Variants in CCDC192 observed in about 807,000 individuals in gnomAD.
CCDC192 encodes the protein coiled-coil domain-containing protein 192.
At chr5:127,876,185 T>C (rs1035445801) in intron 6 of CCDC192, among the ~76,000 whole-genome samples, 5 of 151,708 alleles carry the variant, frequency 3.3e-5, no homozygotes, top group South Asian at 2.1e-4. Context: ...GTTCTGACTT[T>C]TTAAAAAAAG....
In CCDC192 at chr5:127,716,467, A is replaced by C. The variant is rs565368945; in HGVS notation, c.114+8707A>C. On this transcript the variant is annotated intron_variant, in intron 2 of 6. Transcript: ENST00000514853. ...GAATAGTTCAAGAAGAATTGATATT[A>C]GTTCTTCTTTAAATGTTTGGTAGAT... is the stretch of plus-strand genomic sequence containing the variant. Among the ~76,000 whole-genome samples the C allele has an allele frequency of 6.3e-4, 96 of 152,240 alleles. 1 individual carries two copies. The highest frequency in any genetic ancestry group is 2.2e-3 in the African/African-American group (93 of 41,544).
chr5:127,737,091 A>T (rs1432964947), intron 2 of CCDC192, among the ~76,000 whole-genome samples: 2 of 150,640 alleles, frequency 1.3e-5, no homozygotes, highest in Non-Finnish European at 3.0e-5. Context: ...CCCTCTACAC[A>T]TTGCTTTGAA....
At chr5:127,768,627 G>C (rs1051317234) in intron 3 of CCDC192, among the ~76,000 whole-genome samples, 35 of 152,278 alleles carry the variant, frequency 2.3e-4, no homozygotes, top group Non-Finnish European at 3.8e-4. Context: ...AAATACAAGA[G>C]ATTATTATGC....
In CCDC192 at chr5:127,811,451, AT is replaced by A. The variant is rs555097989; in HGVS notation, c.411+13297del. ...GCTGAACTTACTTGAAACTTAAGGG[AT>A]TTTTTTTAGAGGGTTGTGTACTTAG... On this transcript the variant is annotated intron_variant, in intron 5 of 6. Coordinates refer to ENST00000514853, the MANE Select transcript of CCDC192 (RefSeq NM_001317938.2). Among the ~76,000 whole-genome samples the A allele has an allele frequency of 2.8e-4, 42 of 152,078 alleles. 2 individuals carry two copies. In the South Asian group the frequency reaches 5.2e-3, roughly 19 times the overall value.
intron 5 of CCDC192, among the ~76,000 whole-genome samples, chr5:127,840,423 A>G (rs1013160994): frequency 6.6e-6 from 1 of 152,188 alleles, no homozygotes; most frequent in African/African-American, 2.4e-5. Flanking sequence ...TAAAGCTTCA[A>G]AGAAAAAAAG....
rs1326121146 is a variant in CCDC192, at chr5:127,735,234, T to C, written c.115-19034T>C. On this transcript the variant is annotated intron_variant, in intron 2 of 6. Coordinates refer to ENST00000514853, the MANE Select transcript of CCDC192 (RefSeq NM_001317938.2). Reference sequence around the variant, plus strand: ...CTCAGGTTTGTCAAAGATCAGATAGTTGTAGATATGCGGCGTTATTTCTGA... The same window carrying C: ...CTCAGGTTTGTCAAAGATCAGATAGCTGTAGATATGCGGCGTTATTTCTGA... Among the ~76,000 whole-genome samples the C allele has an allele frequency of 3.0e-4, 32 of 107,374 alleles. 1 individual carries two copies. The highest frequency in any genetic ancestry group is 1.9e-3 in the Admixed American group (18 of 9,564). The allele number at this position is 107,374 out of a possible 152,430, so 70.4% of individuals were successfully genotyped here. A position where few individuals can be genotyped will look rare whatever the true frequency, so the allele number is the denominator to read the frequency against.
chr5:127,779,734 T>G (rs1362179474), intron 3 of CCDC192, among the ~76,000 whole-genome samples: 5 of 152,138 alleles, frequency 3.3e-5, no homozygotes, highest in African/African-American at 4.8e-5. Flanking sequence ...TTTTAAAAAA[T>G]GTTTTTATTT....
intron 6 of CCDC192, among the ~76,000 whole-genome samples, chr5:127,922,676 G>C (rs1034080186): frequency 1.3e-5 from 2 of 152,228 alleles, no homozygotes; most frequent in Non-Finnish European, 2.9e-5. Flanking sequence ...AGGAGGTAGA[G>C]GCTGAAGTGA....
At chr5:127,753,985 A>T (rs1183671634) in intron 2 of CCDC192, among the ~76,000 whole-genome samples, 1 of 152,240 alleles carries the variant, frequency 6.6e-6, no homozygotes, top group Non-Finnish European at 1.5e-5. Flanking sequence ...TAAAAGTTTC[A>T]AAGTAGTCAA....
intron 6 of CCDC192, among the ~76,000 whole-genome samples, chr5:127,906,719 G>C (rs1044921865): frequency 6.6e-6 from 1 of 152,092 alleles, no homozygotes; most frequent in Non-Finnish European, 1.5e-5. Flanking sequence ...TCGGGAGTTA[G>C]AGGCTGTAGT....
intron 5 of CCDC192, among the ~76,000 whole-genome samples, chr5:127,810,375 G>A (rs1482315517): frequency 6.6e-6 from 1 of 152,192 alleles, no homozygotes; most frequent in Non-Finnish European, 1.5e-5. Context: ...TTGTTGAGGT[G>A]TGGGCTTGGA....
chr5:127,801,917 A>G (rs1757527128), intron 5 of CCDC192, among the ~76,000 whole-genome samples: 1 of 152,186 alleles, frequency 6.6e-6, no homozygotes, highest in Non-Finnish European at 1.5e-5. Flanking sequence ...TTGGCTACCT[A>G]AGTTAGGTGT....
chr5:127,801,661 C>A lies in CCDC192; in HGVS notation c.411+3499C>A, dbSNP rs114786042. ...GTCCTTGCAAGACTCAAGTTATGTA[C>A]CAACTTCTCCCTTAGTCCCCAGATT... On this transcript the variant is annotated intron_variant, in intron 5 of 6. Transcript: ENST00000514853. Among the ~76,000 whole-genome samples the A allele has an allele frequency of 1.3e-3, 195 of 152,288 alleles. 1 individual carries two copies. Among genetic ancestry groups the A allele is most frequent in the African/African-American group, 4.5e-3 (186 of 41,560 alleles).
intron 3 of CCDC192, among the ~76,000 whole-genome samples, chr5:127,782,860 A>C (rs895279148): frequency 6.6e-6 from 1 of 151,226 alleles, no homozygotes; most frequent in Admixed American, 6.6e-5. Flanking sequence ...GTTTGGGTTT[A>C]ATTTGTTCTT....
intron 5 of CCDC192, among the ~76,000 whole-genome samples, chr5:127,823,071 A>G (rs1190998756): frequency 6.6e-6 from 1 of 152,216 alleles, no homozygotes; most frequent in Non-Finnish European, 1.5e-5. Context: ...TCAGCTCTGC[A>G]TCGCAAGAGG....
chr5:127,890,097 T>C (rs1364706437), intron 6 of CCDC192, among the ~76,000 whole-genome samples: 2 of 152,074 alleles, frequency 1.3e-5, no homozygotes, highest in African/African-American at 4.8e-5. Context: ...CTCTTGTCCA[T>C]GTATGGTGGC....
At chr5:127,914,185 T>C (rs1227414548) in intron 6 of CCDC192, among the ~76,000 whole-genome samples, 1 of 152,160 alleles carries the variant, frequency 6.6e-6, no homozygotes, top group Non-Finnish European at 1.5e-5. Flanking sequence ...TGTGGAGAGC[T>C]GATTGGTTCA....
chr5:127,782,946 G>A (rs1756320204), intron 3 of CCDC192, among the ~76,000 whole-genome samples: 1 of 151,164 alleles, frequency 6.6e-6, no homozygotes, highest in Admixed American at 6.6e-5. Flanking sequence ...CAGAGTTTTA[G>A]GGCTATGAAC....
intron 6 of CCDC192, among the ~76,000 whole-genome samples, chr5:127,900,876 T>C (rs1168236168): frequency 6.6e-6 from 1 of 152,188 alleles, no homozygotes; most frequent in Admixed American, 6.5e-5. Flanking sequence ...CAGAATCTAT[T>C]TGAGTGAAAA....
Sources: allele counts gnomAD v4.1 joint callset (sites outside exome capture counted in the v4.1 genomes callset), GRCh38; gene constraint gnomAD v4.1.1; transcripts MANE v1.5; gene names NCBI Gene and HGNC (gene_info 2026-07-23, HGNC 2026-07-21).